OCA2: variants seen among roughly 807,000 people sequenced by gnomAD.
OCA2 encodes the protein P protein.
OCA2 carries 77 observed loss-of-function variants against 100.2 expected under a neutral mutation model. That is an observed-to-expected ratio of 0.77 (90% CI 0.64 to 0.93). The LOEUF is 0.93. Ranked by LOEUF, OCA2 falls within the 40% of genes least tolerant of loss-of-function variation. The pLI, the probability that OCA2 is intolerant of heterozygous loss-of-function variation, is 0.00. For synonymous variants in OCA2, 432 were observed against 439.2 expected (o/e 0.98, Z 0.21); for missense variants, 1,062 against 1,089.1 (o/e 0.98, Z 0.35).
chr15:27,734,624 C>T, the OCA2 span, among the ~76,000 whole-genome samples: 4 of 152,224 alleles, frequency 2.6e-5, no homozygotes, highest in East Asian at 1.9e-4. Context: ...GAGGCAGGCT[C>T]GACCTCCAGC....
intron 2 of OCA2, among the ~76,000 whole-genome samples, chr15:28,079,751 C>A (rs559084085): frequency 2.6e-5 from 4 of 152,130 alleles, no homozygotes; most frequent in Non-Finnish European, 4.4e-5. Flanking sequence ...AGTGCCATCC[C>A]GACACCCCCT....
intron 23 of OCA2, among the ~76,000 whole-genome samples, chr15:27,767,542 A>G (rs1388697310): frequency 1.3e-5 from 2 of 151,834 alleles, no homozygotes; most frequent in Non-Finnish European, 2.9e-5. Flanking sequence ...AAATGCACCA[A>G]TCAGCACTCT....
chr15:28,003,602 G>C (rs1265177262), intron 9 of OCA2, among the ~76,000 whole-genome samples: 1 of 148,066 alleles, frequency 6.8e-6, no homozygotes, highest in African/African-American at 2.7e-5. Flanking sequence ...GGGAACGACG[G>C]GAAAGCAGGG....
At chr15:28,030,877 G>A (rs997855566) in intron 3 of OCA2, among the ~76,000 whole-genome samples, 4 of 152,144 alleles carry the variant, frequency 2.6e-5, no homozygotes, top group African/African-American at 7.2e-5. Context: ...AGGCAGCTGT[G>A]GCCTTTTCTC....
At chr15:27,955,306 C>T (rs933649007) in intron 16 of OCA2, 91 bp from the exon 17 acceptor site, 12 of 952,420 alleles carry the variant, frequency 1.3e-5, no homozygotes, top group South Asian at 6.5e-5. Flanking sequence ...CGTGCCTGGA[C>T]GCGGTCTGTG....
At chr15:28,071,465 A>G (rs1004467031) in intron 2 of OCA2, among the ~76,000 whole-genome samples, 2 of 152,218 alleles carry the variant, frequency 1.3e-5, no homozygotes, top group African/African-American at 4.8e-5. Context: ...TGCCAAGGCA[A>G]TCTTAAAGCA....
chr15:27,960,399 AGTG>A (rs2140742560), intron 15 of OCA2, among the ~76,000 whole-genome samples: 1 of 152,344 alleles, frequency 6.6e-6, no homozygotes, highest in East Asian at 1.9e-4. Context: ...ACGCTAGGGT[AGTG>A]TGAGCCTCAA....
chr15:28,002,167 G>A (rs770210342), intron 9 of OCA2, among the ~76,000 whole-genome samples: 6 of 152,236 alleles, frequency 3.9e-5, no homozygotes, highest in Non-Finnish European at 8.8e-5. Context: ...TGGCAACTAG[G>A]CTTGCACAGT....
intron 19 of OCA2, among the ~76,000 whole-genome samples, chr15:27,897,138 C>T (rs554943455): frequency 2.7e-4 from 41 of 149,594 alleles, no homozygotes; most frequent in Non-Finnish European, 4.9e-4. Context: ...TGCAGTGAGA[C>T]GAGACGGTGC....
At chr15:27,963,454 A>T (rs549793182) in intron 15 of OCA2, among the ~76,000 whole-genome samples, 3 of 152,296 alleles carry the variant, frequency 2.0e-5, no homozygotes, top group African/African-American at 7.2e-5. Context: ...CTACAGTGGA[A>T]CTAAATTAGG....
intron 2 of OCA2, among the ~76,000 whole-genome samples, chr15:28,065,246 C>T (rs1465953500): frequency 6.6e-6 from 1 of 152,096 alleles, no homozygotes; most frequent in Non-Finnish European, 1.5e-5. Flanking sequence ...GAGCATGCAT[C>T]TCACCCTAAT....
chr15:27,849,014 G>GGT (rs2035642295), intron 22 of OCA2, among the ~76,000 whole-genome samples: 1 of 151,358 alleles, frequency 6.6e-6, no homozygotes. Context: ...GTGCTGCCTG[G>GGT]GTGGGTGTGA....
intron 18 of OCA2, among the ~76,000 whole-genome samples, chr15:27,943,128 C>T (rs2039708522): frequency 6.6e-6 from 1 of 152,108 alleles, no homozygotes; most frequent in South Asian, 2.1e-4. Context: ...AAACCAAAAA[C>T]AAATCTCTAA....
At chr15:27,797,943 G>GGAAGCACT (rs1486887933) in intron 23 of OCA2, among the ~76,000 whole-genome samples, 2 of 152,184 alleles carry the variant, frequency 1.3e-5, no homozygotes. Flanking sequence ...AAGCCAGCCA[G>GGAAGCACT]GAAGCACTCT....
chr15:27,952,538 C>T (rs894087035), intron 17 of OCA2, among the ~76,000 whole-genome samples: 14 of 152,338 alleles, frequency 9.2e-5, no homozygotes, highest in East Asian at 1.9e-4. Context: ...CAGGGAAGCA[C>T]GCACAGATGG....
At chr15:27,844,892 T>A (rs1443053384) in intron 23 of OCA2, 67 bp downstream of exon 23, 3 of 1,164,680 alleles carry the variant, frequency 2.6e-6, no homozygotes, top group East Asian at 4.7e-5. Context: ...AATGTGTTAT[T>A]TTTTTAATTA....
chr15:27,957,482 C>A lies in OCA2; in HGVS notation c.1784+106G>T, dbSNP rs887396722. 124 of 1,329,962 alleles carry A rather than the reference C, an allele frequency of 9.3e-5. No homozygotes were observed. Among genetic ancestry groups the A allele is most frequent in the Non-Finnish European group, 1.3e-4 (121 of 930,062 alleles). The allele number at this position is 1,329,962 out of a possible 1,614,324, so 82.4% of individuals were successfully genotyped here. ...ATAAGAGGCTTAGCACAGTGTGCGTCACCTAAATATCACGTATTAGTATAC... is the reference window on the plus strand; with the variant it reads ...ATAAGAGGCTTAGCACAGTGTGCGTAACCTAAATATCACGTATTAGTATAC... On this transcript the variant is annotated intron_variant, in intron 16 of 23. Transcript: ENST00000354638. This position sits in a 1 kb window ranked among gnomAD's most constrained non-coding sequence, Gnocchi z 4.3.
At chr15:27,823,939 T>C (rs1035320280) in intron 23 of OCA2, among the ~76,000 whole-genome samples, 1 of 152,178 alleles carries the variant, frequency 6.6e-6, no homozygotes, top group Non-Finnish European at 1.5e-5. Context: ...AGCTCATCAG[T>C]AGCTTAAGAC....
chr15:28,028,365 C>T (rs566215053), intron 3 of OCA2, among the ~76,000 whole-genome samples: 4 of 152,284 alleles, frequency 2.6e-5, no homozygotes, highest in South Asian at 2.1e-4. Flanking sequence ...GACCAGTTCC[C>T]GCTGATTTCA....
Sources: allele counts gnomAD v4.1 joint callset (sites outside exome capture counted in the v4.1 genomes callset), GRCh38; gene constraint gnomAD v4.1.1; non-coding constraint Gnocchi (gnomAD v3.1); transcripts MANE v1.5; gene names NCBI Gene and HGNC (gene_info 2026-07-23, HGNC 2026-07-21).